Variants in MEMO1 observed in about 807,000 individuals in gnomAD.
MEMO1 encodes the protein protein MEMO1.
A neutral mutation model predicts 45.2 loss-of-function variants in MEMO1; 6 were observed. The observed-to-expected ratio is 0.13, with a 90% confidence interval of 0.07 to 0.26. The LOEUF (loss-of-function observed/expected upper bound fraction) is 0.26, where lower values mean the gene tolerates loss of function less well. Ranked by LOEUF, MEMO1 falls within the 10% of genes least tolerant of loss-of-function variation. The probability of loss-of-function intolerance (pLI) is 1.00; values close to 1 mark genes in which losing one functional copy is unlikely to be tolerated. For missense variants in MEMO1, 184 were observed against 370.5 expected (o/e 0.50, Z 4.13); for synonymous variants, 78 against 124.3 (o/e 0.63, Z 2.48).
chr2:31,904,941 T>A (rs1679443630), intron 6 of MEMO1, among the ~76,000 whole-genome samples: 1 of 152,134 alleles, frequency 6.6e-6, no homozygotes, highest in Non-Finnish European at 1.5e-5. Context: ...ACTACAGAGA[T>A]CCAGAAAACA....
intron 6 of MEMO1, among the ~76,000 whole-genome samples, chr2:31,895,169 C>G (rs1204839424): frequency 2.6e-5 from 4 of 152,076 alleles, no homozygotes; most frequent in African/African-American, 4.8e-5. Flanking sequence ...AAAACCGAAT[C>G]CAAAGTTACT....
At chr2:31,904,235 A>C (rs947479654) in intron 6 of MEMO1, among the ~76,000 whole-genome samples, 4 of 152,198 alleles carry the variant, frequency 2.6e-5, no homozygotes, top group Non-Finnish European at 5.9e-5. Flanking sequence ...TGGTTTTTAG[A>C]ATATTACTTA....
intron 5 of MEMO1, among the ~76,000 whole-genome samples, chr2:31,919,326 A>AT (rs1213612874): frequency 6.6e-6 from 1 of 151,520 alleles, no homozygotes; most frequent in Non-Finnish European, 1.5e-5. Context: ...AGATTTTTGT[A>AT]TTTTTTTGTA....
At chr2:31,911,548 A>T (rs965942303) in intron 6 of MEMO1, among the ~76,000 whole-genome samples, 1 of 152,248 alleles carries the variant, frequency 6.6e-6, no homozygotes, top group Non-Finnish European at 1.5e-5. Flanking sequence ...TAATGTATCG[A>T]TATTGGTTCA....
intron 2 of MEMO1, among the ~76,000 whole-genome samples, chr2:31,944,586 G>A (rs1205714010): frequency 6.6e-6 from 1 of 152,094 alleles, no homozygotes; most frequent in Non-Finnish European, 1.5e-5. Flanking sequence ...AGAGCCAAAC[G>A]GTATTTCTGT....
rs1280763629 is a variant in MEMO1, at chr2:31,987,777, G to C, written c.61+22410C>G. ...GTTTTCTTCCTAAGGCCTCAAAGCTGTAGTTTTCTAACTGCTATATATTAA... is the reference window on the plus strand; with the variant it reads ...GTTTTCTTCCTAAGGCCTCAAAGCTCTAGTTTTCTAACTGCTATATATTAA... On this transcript the variant is annotated intron_variant, in intron 2 of 9. Coordinates refer to ENST00000404530, the MANE Select transcript of MEMO1 (RefSeq NM_001301833.4). Among the ~76,000 whole-genome samples the C allele has an allele frequency of 2.0e-5, 3 of 152,200 alleles. No individual in the cohort carries two copies. The East Asian group carries it at 5.8e-4, about 29-fold the overall frequency.
intron 2 of MEMO1, among the ~76,000 whole-genome samples, chr2:31,967,870 C>T (rs1356523591): frequency 6.6e-6 from 1 of 152,058 alleles, no homozygotes; most frequent in Non-Finnish European, 1.5e-5. Flanking sequence ...ATGTAAAGTA[C>T]AGAAAGTAGT....
chr2:31,889,512 A>T (rs1233626714), intron 7 of MEMO1, among the ~76,000 whole-genome samples: 3 of 152,108 alleles, frequency 2.0e-5, no homozygotes, highest in Non-Finnish European at 4.4e-5. Flanking sequence ...AATTTAGGAA[A>T]GATACCCATC....
chr2:31,932,184 A>G, intron 3 of MEMO1, 49 bp from the exon 4 acceptor site: 1 of 1,521,010 alleles, frequency 6.6e-7, no homozygotes, highest in South Asian at 1.1e-5. Flanking sequence ...CAAAATCAAG[A>G]TATTCTAGAA....
chr2:31,992,777 C>G (rs1160476089), intron 2 of MEMO1, among the ~76,000 whole-genome samples: 5 of 151,486 alleles, frequency 3.3e-5, no homozygotes, highest in African/African-American at 9.8e-5. Context: ...GAGTGAGACT[C>G]CGTCTCAAAT....
chr2:31,916,477 C>T (rs1358274808), intron 6 of MEMO1, among the ~76,000 whole-genome samples: 2 of 152,192 alleles, frequency 1.3e-5, no homozygotes, highest in South Asian at 2.1e-4. Flanking sequence ...CATGTGCCCA[C>T]CTCCGCCTCC....
intron 8 of MEMO1, among the ~76,000 whole-genome samples, chr2:31,875,493 C>G (rs938091001): frequency 6.6e-6 from 1 of 152,124 alleles, no homozygotes; most frequent in Admixed American, 6.5e-5. Context: ...AAACTTACAT[C>G]TCTAGTCCAA....
At chr2:31,882,023 T>C (rs1675466392) in intron 8 of MEMO1, among the ~76,000 whole-genome samples, 2 of 151,970 alleles carry the variant, frequency 1.3e-5, no homozygotes, top group African/African-American at 2.4e-5. Flanking sequence ...TAGGCGCCTG[T>C]GTCCCAGCTA....
intron 2 of MEMO1, among the ~76,000 whole-genome samples, chr2:31,968,833 AAG>A (rs1668938934): frequency 6.6e-6 from 1 of 152,146 alleles, no homozygotes; most frequent in South Asian, 2.1e-4. Flanking sequence ...ATGTTCTCTA[AAG>A]AGGACACTTC....
At chr2:31,968,659 G>A (rs1386315792) in intron 2 of MEMO1, among the ~76,000 whole-genome samples, 1 of 152,098 alleles carries the variant, frequency 6.6e-6, no homozygotes, top group Admixed American at 6.5e-5. Flanking sequence ...CTACTCTTCA[G>A]TCCATATCCT....
chr2:31,972,703 T>C (rs1669554534), intron 2 of MEMO1, among the ~76,000 whole-genome samples: 2 of 151,534 alleles, frequency 1.3e-5, no homozygotes, highest in South Asian at 4.2e-4. Context: ...AGAGTGAGAC[T>C]CCATCTCAAA....
At chr2:31,919,204 A>G (rs762983587) in intron 5 of MEMO1, among the ~76,000 whole-genome samples, 8 of 151,936 alleles carry the variant, frequency 5.3e-5, no homozygotes, top group Non-Finnish European at 7.4e-5. Context: ...TGCTGGGGAC[A>G]GCAAAATGAT....
chr2:31,939,183 T>C (rs1455706321), intron 3 of MEMO1, among the ~76,000 whole-genome samples: 2 of 152,016 alleles, frequency 1.3e-5, no homozygotes, highest in Admixed American at 1.3e-4. Flanking sequence ...AACTTGGCTA[T>C]ACTTATAAAG....
chr2:31,890,323 T>C (rs1466178816), intron 7 of MEMO1, among the ~76,000 whole-genome samples: 1 of 152,122 alleles, frequency 6.6e-6, no homozygotes, highest in Non-Finnish European at 1.5e-5. Context: ...TGTGGGACAC[T>C]TGCTTCAAGA....
Sources: allele counts gnomAD v4.1 joint callset (sites outside exome capture counted in the v4.1 genomes callset), GRCh38; gene constraint gnomAD v4.1.1; transcripts MANE v1.5; gene names NCBI Gene and HGNC (gene_info 2026-07-23, HGNC 2026-07-21).